The following CCSER1 variants were observed in gnomAD, a reference collection of about 807,000 sequenced individuals.
The protein encoded by CCSER1 is coiled-coil serine rich protein 1.
A neutral mutation model predicts 82.0 loss-of-function variants in CCSER1; 41 were observed. The observed-to-expected ratio is 0.50, with a 90% CI of 0.39 to 0.65. The LOEUF (loss-of-function observed/expected upper bound fraction) is 0.65, where lower values mean the gene tolerates loss of function less well. CCSER1 is among the 30% of genes least tolerant of loss of function. The probability of loss-of-function intolerance (pLI) is 0.00; values close to 1 mark genes in which losing one functional copy is unlikely to be tolerated. For synonymous variants in CCSER1, 414 were observed against 383.9 expected (o/e 1.08, Z -0.92); for missense variants, 1,119 against 1,064.2 (o/e 1.05, Z -0.72).
At chr4:91,121,758 T>C (rs1488910269) in intron 10 of CCSER1, among the ~76,000 whole-genome samples, 3 of 151,642 alleles carry the variant, frequency 2.0e-5, no homozygotes, top group African/African-American at 7.2e-5. Flanking sequence ...ATAAAATAGT[T>C]AATGTATGCT....
chr4:90,530,247 G>GT (rs1774334860), intron 5 of CCSER1, among the ~76,000 whole-genome samples: 1 of 152,082 alleles, frequency 6.6e-6, no homozygotes, highest in South Asian at 2.1e-4. Flanking sequence ...AGTAATCATA[G>GT]TTTTTTCTGT....
rs150347142 is a variant in CCSER1 at position 90,490,481 on chromosome 4, A to G, written c.1724+22127A>G. Among the ~76,000 whole-genome samples, 865 of 152,216 alleles carry G rather than the reference A, an allele frequency of 5.7e-3. 10 individuals carry two copies. The highest frequency in any genetic ancestry group is 0.02 in the African/African-American group (830 of 41,528). On this transcript the variant is annotated intron_variant, in intron 5 of 10. Transcript: ENST00000509176. ...CTCCCATTCTGTAGGTTGCCTGTTCATTCTGATGGTAGTTTCCTTTGCTGT... is the reference window on the plus strand; with the variant it reads ...CTCCCATTCTGTAGGTTGCCTGTTCGTTCTGATGGTAGTTTCCTTTGCTGT...
chr4:91,041,855 T>C (rs1169073744), intron 9 of CCSER1, among the ~76,000 whole-genome samples: 1 of 152,162 alleles, frequency 6.6e-6, no homozygotes, highest in Non-Finnish European at 1.5e-5. Flanking sequence ...TGAAAAGCAT[T>C]GTGGATTTTT....
chr4:90,629,322 A>C (rs1723911040), intron 6 of CCSER1, among the ~76,000 whole-genome samples: 1 of 152,172 alleles, frequency 6.6e-6, no homozygotes, highest in African/African-American at 2.4e-5. Flanking sequence ...GACATACCTG[A>C]GGCTAGGTAA....
At chr4:91,038,159 T>G (rs1452304621) in intron 9 of CCSER1, among the ~76,000 whole-genome samples, 1 of 152,180 alleles carries the variant, frequency 6.6e-6, no homozygotes, top group Non-Finnish European at 1.5e-5. Flanking sequence ...ACAGAGGAAT[T>G]AATTGCTTCT....
chr4:91,292,395 T>G (rs1743818757), intron 10 of CCSER1, among the ~76,000 whole-genome samples: 1 of 152,018 alleles, frequency 6.6e-6, no homozygotes, highest in African/African-American at 2.4e-5. Flanking sequence ...TTTTTTTAAG[T>G]TGTCCAAAAT....
chr4:91,368,025 C>T (rs10856884), intron 10 of CCSER1, among the ~76,000 whole-genome samples: 114,693 of 152,034 alleles, frequency 0.75, 43,648 homozygotes, highest in East Asian at 0.9. Flanking sequence ...TAAATGTATA[C>T]AATTTTCCTA....
chr4:90,951,712 T>C (rs1243518374), intron 9 of CCSER1, among the ~76,000 whole-genome samples: 1 of 152,090 alleles, frequency 6.6e-6, no homozygotes, highest in Non-Finnish European at 1.5e-5. Flanking sequence ...ATGTCCAGCT[T>C]CCTAAAGACA....
chr4:91,073,648 T>TA (rs905978240), intron 9 of CCSER1, among the ~76,000 whole-genome samples: 3 of 152,108 alleles, frequency 2.0e-5, no homozygotes, highest in Admixed American at 6.6e-5. Flanking sequence ...ATATGTAAGT[T>TA]AAAAAAATCA....
chr4:91,423,547 T>G (rs545516390), intron 10 of CCSER1, among the ~76,000 whole-genome samples: 2 of 152,238 alleles, frequency 1.3e-5, no homozygotes, highest in African/African-American at 4.8e-5. Context: ...TATTCCTTAT[T>G]TTATAAAGAA....
intron 6 of CCSER1, among the ~76,000 whole-genome samples, chr4:90,697,286 A>G (rs542388346): frequency 6.6e-6 from 1 of 152,308 alleles, no homozygotes; most frequent in East Asian, 1.9e-4. Flanking sequence ...ATTATACATC[A>G]AAAGTTTCAG....
intron 4 of CCSER1, among the ~76,000 whole-genome samples, chr4:90,404,410 A>G (rs181060167): frequency 6.6e-6 from 1 of 152,176 alleles, no homozygotes; most frequent in Non-Finnish European, 1.5e-5. Flanking sequence ...CAAAGGTTAT[A>G]ATCTCTTGGG....
intron 8 of CCSER1, among the ~76,000 whole-genome samples, chr4:90,868,997 A>G (rs539289216): frequency 1.3e-4 from 20 of 152,064 alleles, no homozygotes; most frequent in African/African-American, 4.3e-4. Context: ...TGCTGTTTGT[A>G]TGTCTTGTTT....
At chr4:90,740,023 G>A (rs905595469) in intron 7 of CCSER1, among the ~76,000 whole-genome samples, 2 of 152,082 alleles carry the variant, frequency 1.3e-5, no homozygotes, top group South Asian at 4.1e-4. Context: ...AATGATTTCT[G>A]GAGGCTTCTA....
At chr4:91,405,678 A>T (rs924989590) in intron 10 of CCSER1, among the ~76,000 whole-genome samples, 1 of 152,208 alleles carries the variant, frequency 6.6e-6, no homozygotes, top group Non-Finnish European at 1.5e-5. Context: ...CTCCAATCTA[A>T]GCACAGGATA....
chr4:91,539,946 C>A (rs544612356), intron 10 of CCSER1, among the ~76,000 whole-genome samples: 1 of 151,866 alleles, frequency 6.6e-6, no homozygotes, highest in East Asian at 1.9e-4. Context: ...TGATGTGATT[C>A]GATAAAAGAA....
At chr4:91,265,255 T>A (rs529984095) in intron 10 of CCSER1, among the ~76,000 whole-genome samples, 313 of 152,186 alleles carry the variant, frequency 2.1e-3, no homozygotes, top group African/African-American at 7.3e-3. Flanking sequence ...AACAATTTAA[T>A]TAAAAATTAA....
At position 90,368,688 on chromosome 4, in the gene CCSER1, C is replaced by T. The variant is rs142689519; in HGVS notation, c.1510-31348C>T. Among the ~76,000 whole-genome samples the T allele has an allele frequency of 3.6e-4, 54 of 151,900 alleles. 1 individual carries two copies. The highest frequency in any genetic ancestry group is 2.5e-4 in the Non-Finnish European group (17 of 67,902). Reference sequence around the variant, plus strand: ...ATCTCTCAATTAGGCCATTCCTGATCATCATATATGAAATTGAAACTTGTC... The same window carrying T: ...ATCTCTCAATTAGGCCATTCCTGATTATCATATATGAAATTGAAACTTGTC... On this transcript the variant is annotated intron_variant, in intron 3 of 10. Coordinates refer to ENST00000509176, the MANE Select transcript of CCSER1 (RefSeq NM_001145065.2).
At chr4:91,584,268 GA>G (rs1029360688) in intron 10 of CCSER1, among the ~76,000 whole-genome samples, 2 of 151,246 alleles carry the variant, frequency 1.3e-5, no homozygotes, top group African/African-American at 4.8e-5. Context: ...AGTTTTCAGA[GA>G]AAAAATAAAT....
Sources: allele counts gnomAD v4.1 joint callset (sites outside exome capture counted in the v4.1 genomes callset), GRCh38; gene constraint gnomAD v4.1.1; transcripts MANE v1.5; gene names NCBI Gene and HGNC (gene_info 2026-07-23, HGNC 2026-07-21).